Variants in SLC38A6 observed in about 807,000 individuals in gnomAD.
The protein encoded by SLC38A6 is solute carrier family 38 member 6.
In SLC38A6, 73 loss-of-function variants were observed where a neutral mutation model predicts 65.0. That is an observed-to-expected ratio of 1.12 (90% CI 0.93 to 1.37). The LOEUF (loss-of-function observed/expected upper bound fraction) is 1.37, where lower values mean the gene tolerates loss of function less well. Among genes scored for constraint, SLC38A6 ranks in the 40% most tolerant of loss-of-function variants. The pLI, the probability that SLC38A6 is intolerant of heterozygous loss-of-function variation, is 0.00. For synonymous variants in SLC38A6, 183 were observed against 178.8 expected (o/e 1.02, Z -0.19); for missense variants, 561 against 531.1 (o/e 1.06, Z -0.55).
intron 3 of SLC38A6, among the ~76,000 whole-genome samples, chr14:60,998,525 C>T (rs995877039): frequency 6.6e-6 from 1 of 152,152 alleles, no homozygotes; most frequent in South Asian, 2.1e-4. Flanking sequence ...TGAGAGCCAC[C>T]TCCATCACCT....
At position 61,015,932 on chromosome 14, in the gene SLC38A6, C is replaced by T. The variant is rs148323721; in HGVS notation, c.339C>T (p.Leu113=). 2.9e-4 allele frequency: 470 copies of T among 1,608,334 alleles called. 7 individuals are homozygous for T. In the South Asian group the frequency reaches 4.8e-3, roughly 16 times the overall value. Residue 113 remains leucine (L), a synonymous_variant, in exon 4 of 16, where the codon CTC becomes CTT. Coordinates refer to ENST00000267488, the MANE Select transcript of SLC38A6 (RefSeq NM_153811.3). ...TAACATCTTATGAAGATCTTGGACT[C>T]TTTGCATTTGGATTACCTGGAAAGG... ...TAVTSYEDLG[L]FAFGLPGKLV... is the part of the protein sequence containing the mutation.
intron 3 of SLC38A6, among the ~76,000 whole-genome samples, chr14:61,010,971 G>A (rs1419700778): frequency 1.3e-5 from 2 of 152,116 alleles, no homozygotes; most frequent in South Asian, 2.1e-4. Context: ...AATTACCTTG[G>A]GCAGTATGGC....
intron 3 of SLC38A6, among the ~76,000 whole-genome samples, chr14:60,985,347 A>G (rs2037377412): frequency 6.6e-6 from 1 of 152,252 alleles, no homozygotes; most frequent in Non-Finnish European, 1.5e-5. Context: ...ATATTTGTGT[A>G]TATACTTTTT....
intron 3 of SLC38A6, among the ~76,000 whole-genome samples, chr14:60,991,162 C>G (rs2037853555): frequency 6.6e-6 from 1 of 152,098 alleles, no homozygotes; most frequent in Admixed American, 6.5e-5. Context: ...TCATAGCATT[C>G]CTTTGCTCAA....
chr14:61,023,587 TA>T (rs71114178), intron 5 of SLC38A6, among the ~76,000 whole-genome samples: 110,686 of 131,900 alleles, frequency 0.84, 45,772 homozygotes, highest in Non-Finnish European at 0.93. Flanking sequence ...ATAATAATAA[TA>T]ATATATATAT....
rs145065369 is a variant in SLC38A6, at chr14:61,033,638, G to T, written c.482+3115G>T. On this transcript the variant is annotated intron_variant, in intron 6 of 15. Transcript: ENST00000267488. ...TTTTCTCAGGCAGCAGTTTTATTTT[G>T]TAAGTTTAATAATTTCTGTTCTTTA... Among the ~76,000 whole-genome samples the T allele has an allele frequency of 2.4e-4, 37 of 152,130 alleles. No homozygotes were observed. The East Asian group carries it at 7.1e-3, about 29-fold the overall frequency.
In SLC38A6 at chr14:60,995,265, G is replaced by A. The variant is rs761421548; in HGVS notation, c.310+10462G>A. On this transcript the variant is annotated intron_variant, in intron 3 of 15. Coordinates refer to ENST00000267488, the MANE Select transcript of SLC38A6 (RefSeq NM_153811.3). ...GTGAGTATATAAAAAATTGTGATAT[G>A]TACGTACAGTGCAATATTGTTCAGA... Among the ~76,000 whole-genome samples the A allele has an allele frequency of 1.2e-3, 184 of 152,172 alleles. 1 individual carries two copies. The highest frequency in any genetic ancestry group is 1.6e-3 in the Non-Finnish European group (108 of 68,042).
intron 6 of SLC38A6, among the ~76,000 whole-genome samples, chr14:61,036,051 T>C (rs116777146): frequency 0.021 from 3,156 of 152,166 alleles, 116 homozygotes; most frequent in African/African-American, 0.072. Context: ...TAATGCCCTT[T>C]CCTGAAATTT....
intron 3 of SLC38A6, chr14:61,002,291 A>G (rs2038762714): frequency 6.6e-6 from 1 of 152,230 alleles, no homozygotes; most frequent in Admixed American, 6.5e-5. Context: ...ATGAAATTGC[A>G]TAGTGAATAT....
At chr14:61,044,320 A>G (rs1566699638) in intron 10 of SLC38A6, among the ~76,000 whole-genome samples, 1 of 152,208 alleles carries the variant, frequency 6.6e-6, no homozygotes, top group Non-Finnish European at 1.5e-5. Flanking sequence ...TTTAAATGAG[A>G]AATATCTCTC....
At chr14:61,038,826 A>G (rs1033044834) in intron 8 of SLC38A6, among the ~76,000 whole-genome samples, 3 of 152,216 alleles carry the variant, frequency 2.0e-5, no homozygotes, top group African/African-American at 7.2e-5. Context: ...CAACATTAAA[A>G]TCATTCCTCT....
intron 1 of SLC38A6, 127 bp from the exon 2 acceptor site, chr14:60,982,381 C>A: frequency 8.4e-7 from 1 of 1,187,462 alleles, no homozygotes; most frequent in Non-Finnish European, 1.2e-6. Flanking sequence ...GGTTAAGCAA[C>A]GAGTGTGTCA....
chr14:61,033,623 C>A (rs2041154436), intron 6 of SLC38A6, among the ~76,000 whole-genome samples: 1 of 151,996 alleles, frequency 6.6e-6, no homozygotes. Flanking sequence ...TTTTCTCAGG[C>A]AGCAGTTTTA....
chr14:61,064,659 G>A (rs973432512), intron 15 of SLC38A6, among the ~76,000 whole-genome samples: 1 of 149,902 alleles, frequency 6.7e-6, no homozygotes, highest in African/African-American at 2.5e-5. Flanking sequence ...CTTCAGCCAA[G>A]ATTACCAAAA....
At position 61,052,033 on chromosome 14, in the gene SLC38A6, C is replaced by G. The variant is rs1170847131; in HGVS notation, c.1196-8C>G. 6.2e-7 allele frequency: 1 copy of G among 1,600,664 alleles called. No individual in the cohort carries two copies. Among genetic ancestry groups the G allele is most frequent in the Non-Finnish European group, 8.5e-7 (1 of 1,175,342 alleles). On this transcript the variant is annotated splice_region_variant and splice_polypyrimidine_tract_variant and intron_variant, in intron 14 of 15. Coordinates refer to ENST00000267488, the MANE Select transcript of SLC38A6 (RefSeq NM_153811.3). Reference sequence around the variant, plus strand: ...ATATCCTCTCTTTTTTTTCCCTCCACTTTAAAGGTGCCAGTACATCAACAT... The same window carrying G: ...ATATCCTCTCTTTTTTTTCCCTCCAGTTTAAAGGTGCCAGTACATCAACAT...
intron 15 of SLC38A6, chr14:61,078,802 T>A: frequency 4.9e-6 from 1 of 204,318 alleles, no homozygotes; most frequent in Non-Finnish European, 9.5e-6. Context: ...TTATTTATTT[T>A]GAGACAGGGT....
chr14:61,081,423 C>G (rs2043642890), intron 16 of SLC38A6, among the ~76,000 whole-genome samples: 1 of 152,170 alleles, frequency 6.6e-6, no homozygotes, highest in Non-Finnish European at 1.5e-5. Flanking sequence ...TGAAGCCTTT[C>G]CTGACCACCC....
intron 3 of SLC38A6, among the ~76,000 whole-genome samples, chr14:61,006,099 T>C (rs1229531698): frequency 1.3e-5 from 2 of 152,198 alleles, no homozygotes; most frequent in African/African-American, 4.8e-5. Flanking sequence ...ATTTAATAAA[T>C]GGTGCTGGGA....
rs201003729 is a variant in SLC38A6 at position 61,066,301 on chromosome 14, CTGTT to C, written c.1291-12505_1291-12502del. On this transcript the variant is annotated intron_variant, in intron 15 of 16. Coordinates refer to the SLC38A6 transcript ENST00000354886. Reference sequence around the variant, plus strand: ...TTCTTTATTGCAATCAGAATCCTTTCTGTTTGTCACCCTTCCTAAACAATCTGAT... The same window carrying C: ...TTCTTTATTGCAATCAGAATCCTTTCTGTCACCCTTCCTAAACAATCTGAT... Among the ~76,000 whole-genome samples, 151 of 152,184 alleles carry C rather than the reference CTGTT, an allele frequency of 9.9e-4. No individual in the cohort carries two copies. In the East Asian group the frequency reaches 0.025, roughly 25 times the overall value.
Sources: allele counts gnomAD v4.1 joint callset (sites outside exome capture counted in the v4.1 genomes callset), GRCh38; gene constraint gnomAD v4.1.1; transcripts MANE v1.5; gene names NCBI Gene and HGNC (gene_info 2026-07-23, HGNC 2026-07-21).